SLC43A1: variants seen among roughly 807,000 people sequenced by gnomAD.
SLC43A1 encodes the protein large neutral amino acids transporter small subunit 3.
In SLC43A1, 31 loss-of-function variants were observed where a neutral mutation model predicts 59.5. The ratio of observed to expected loss-of-function variants is 0.52; its 90% CI spans 0.39 to 0.70. SLC43A1 has a LOEUF of 0.70. Ranked by LOEUF, SLC43A1 falls within the 30% of genes least tolerant of loss-of-function variation. The probability of loss-of-function intolerance (pLI) is 0.00; values close to 1 mark genes in which losing one functional copy is unlikely to be tolerated. For missense variants in SLC43A1, 598 were observed against 717.8 expected, an observed-to-expected ratio of 0.83 and a Z score of 1.91; for synonymous variants, 259 against 290.9, an observed-to-expected ratio of 0.89 and a Z score of 1.12.
At position 57,513,948 on chromosome 11, in the gene SLC43A1, T is replaced by A; in HGVS notation, c.154+10A>T. ...TCCCCCCAGCCCACCCAGCCCATTT[T>A]CAGGCATACCTGGGCACGTGCTGGA... is the stretch of plus-strand genomic sequence containing the variant. On this transcript the variant is annotated intron_variant, in intron 2 of 14. Transcript: ENST00000278426. The A allele has an allele frequency of 2.0e-6, 3 of 1,509,996 alleles. No individual in the cohort carries two copies. The highest frequency in any genetic ancestry group is 2.7e-6 in the Non-Finnish European group (3 of 1,099,860). The allele number at this position is 1,509,996 out of a possible 1,614,324, so 93.5% of individuals were successfully genotyped here.
Position 57,487,177 on chromosome 11 carries a change from G to C in SLC43A1, c.1451C>G (p.Ser484Cys). The C allele has an allele frequency of 6.2e-7, 1 of 1,614,078 alleles. No individual in the cohort carries two copies. The highest frequency in any genetic ancestry group is 8.5e-7 in the Non-Finnish European group (1 of 1,179,954). Residue 484 changes from serine to cysteine, a missense_variant, in exon 14 of 15, where the codon TCC (serine) becomes TGC (cysteine). Transcript: ENST00000278426. The stretch of plus-strand genomic sequence containing the variant: ...CAAGGCGAACACAGCACTGATGAGG[G>C]ACTGCAGGCCTGTCAGCGTCCCAAA... ...NHFGTLTGLQ[S>C]LISAVFALLQ...
In SLC43A1 at chr11:57,501,453, G is replaced by C. The variant is rs1944266631; in HGVS notation, c.155-124C>G. 6.6e-6 allele frequency: 6 copies of C among 912,276 alleles called. No individual in the cohort carries two copies. In the Admixed American group the frequency reaches 1.2e-4, roughly 19 times the overall value. The allele number at this position is 912,276 out of a possible 1,614,324, so 56.5% of individuals were successfully genotyped here. On this transcript the variant is annotated intron_variant, in intron 2 of 14. Transcript: ENST00000278426. ...GCCAAGTGCCTTTGGGGGTACCCTA[G>C]AGTCACATCTCCTCTGATGGGGCTG...
In SLC43A1 at chr11:57,499,852, G is replaced by T. The variant is rs1003312163; in HGVS notation, c.465+927C>A. On this transcript the variant is annotated intron_variant, in intron 5 of 14. Coordinates refer to ENST00000278426, the MANE Select transcript of SLC43A1 (RefSeq NM_003627.6). ...TCTGAGGTCAAGCGCCGGAGAGAAG[G>T]GATTTAGGGCCCTGGGCCAAGTTGC... 3.9e-5 allele frequency among the ~76,000 whole-genome samples: 6 copies of T among 152,274 alleles called. No individual in the cohort carries two copies. In the East Asian group the frequency reaches 5.8e-4, roughly 15 times the overall value.
Position 57,491,375 on chromosome 11 carries a change from G to C in SLC43A1, c.1055-13C>G. On this transcript the variant is annotated splice_polypyrimidine_tract_variant and intron_variant, in intron 10 of 14. Coordinates refer to ENST00000278426, the MANE Select transcript of SLC43A1 (RefSeq NM_003627.6). ...GAGTAGAACCCAACTGGGCAGGATG[G>C]GAAGGGCAGTGGGGTCAGGAACTGG... The C allele has an allele frequency of 6.3e-7, 1 of 1,582,174 alleles. No individual in the cohort carries two copies. Among genetic ancestry groups the C allele is most frequent in the Non-Finnish European group, 8.6e-7 (1 of 1,162,460 alleles).
At position 57,491,790 on chromosome 11, in the gene SLC43A1, T is replaced by C; in HGVS notation, c.944A>G (p.Gln315Arg). 1 of 1,614,124 alleles carries C rather than the reference T, an allele frequency of 6.2e-7. No homozygotes were observed. Among genetic ancestry groups the C allele is most frequent in the East Asian group, 2.2e-5 (1 of 44,888 alleles). ...LWSLLTMGMT[Q>R]LRIIFYMAAV... ...AGCCATGTAGAAGATGATCCGCAGC[T>C]GGGTCATGCCCATGGTGAGGAGGCT... Residue 315 changes from glutamine to arginine, a missense_variant, in exon 9 of 15, where the codon CAG becomes CGG. Gln to Arg is a conservative substitution (Grantham distance 43). Transcript: ENST00000278426.
rs1944628034 is a variant in SLC43A1 at position 57,514,333 on chromosome 11, C to G, written c.-13-209G>C. 2 of 569,390 alleles carry G rather than the reference C, an allele frequency of 3.5e-6. No individual in the cohort carries two copies. Among genetic ancestry groups the G allele is most frequent in the Admixed American group, 6.6e-5 (2 of 30,082 alleles). The allele number at this position is 569,390 out of a possible 1,614,324, so 35.3% of individuals were successfully genotyped here. On this transcript the variant is annotated intron_variant, in intron 1 of 14. Coordinates refer to ENST00000278426, the MANE Select transcript of SLC43A1 (RefSeq NM_003627.6). The surrounding 1 kb of genome is among the most constrained non-coding windows in gnomAD (Gnocchi z 5.5). ...AGGTGCACGCGGCACGGGGCTCCCGCTGAGCCACTATCGGAAACAAGGAAG... is the reference window on the plus strand; with the variant it reads ...AGGTGCACGCGGCACGGGGCTCCCGGTGAGCCACTATCGGAAACAAGGAAG...
At chr11:57,488,228 G>T (rs1943798018) in intron 13 of SLC43A1, among the ~76,000 whole-genome samples, 1 of 152,160 alleles carries the variant, frequency 6.6e-6, no homozygotes, top group Admixed American at 6.6e-5. Flanking sequence ...CAGCAGTGGA[G>T]GTGACAAGAA....
intron 2 of SLC43A1, among the ~76,000 whole-genome samples, chr11:57,512,809 G>A (rs1177396026): frequency 6.6e-6 from 1 of 152,140 alleles, no homozygotes; most frequent in Non-Finnish European, 1.5e-5. Context: ...AGGCATGGGA[G>A]AGTCGCCATC....
chr11:57,485,332 A>G, intron 14 of SLC43A1, 90 bp from the exon 15 acceptor site: 2 of 1,259,296 alleles, frequency 1.6e-6, no homozygotes, highest in Admixed American at 2.7e-5. Flanking sequence ...ATTTTTCTCC[A>G]GGTCCTGAGC....
intron 14 of SLC43A1, 96 bp downstream of exon 14, chr11:57,486,999 G>A: frequency 7.3e-7 from 1 of 1,373,390 alleles, no homozygotes; most frequent in Non-Finnish European, 1.0e-6. Flanking sequence ...AGGTGCCTCT[G>A]GCTGAGATGA....
In SLC43A1 at chr11:57,491,633, G is replaced by A; in HGVS notation, c.1019-7C>T. 3 of 1,614,222 alleles carry A rather than the reference G, an allele frequency of 1.9e-6. No individual in the cohort carries two copies. Among genetic ancestry groups the A allele is most frequent in the Non-Finnish European group, 1.7e-6 (2 of 1,180,026 alleles). ...TGTTGCTGTTCATTTGTCTCTGTGG[G>A]TAGGGAAACGTATGGTGAGGGGAGC... On this transcript the variant is annotated splice_region_variant and splice_polypyrimidine_tract_variant and intron_variant, in intron 9 of 14. Transcript: ENST00000278426.
intron 2 of SLC43A1, among the ~76,000 whole-genome samples, chr11:57,502,231 T>C (rs1011331854): frequency 6.6e-6 from 1 of 152,260 alleles, no homozygotes; most frequent in South Asian, 2.1e-4. Flanking sequence ...TTGGCAGCAC[T>C]GCCAAGGGCA....
chr11:57,486,948 A>C (rs1468232759), intron 14 of SLC43A1, 147 bp downstream of exon 14: 22 of 765,456 alleles, frequency 2.9e-5, no homozygotes, highest in Non-Finnish European at 4.4e-5. Context: ...AGGGGTTCTA[A>C]AAGGCAGACA....
rs1944654064 is a variant in SLC43A1 at position 57,515,041 on chromosome 11, G to A, written c.-14+403C>T. 11 of 985,322 alleles carry A rather than the reference G, an allele frequency of 1.1e-5. No individual in the cohort carries two copies. Among genetic ancestry groups the A allele is most frequent in the Non-Finnish European group, 1.3e-5 (11 of 829,954 alleles). 61.0% of individuals were successfully genotyped at this position (985,322 alleles called of 1,614,324 possible). On this transcript the variant is annotated intron_variant, in intron 1 of 14. Coordinates refer to ENST00000278426, the MANE Select transcript of SLC43A1 (RefSeq NM_003627.6). This position sits in a 1 kb window ranked among gnomAD's most constrained non-coding sequence, Gnocchi z 5.3. Reference sequence around the variant, plus strand: ...GGGCGGGGAGCGACAACTGGGATGAGACCGAGGAAAGCGGAGAGGAGAAGG... The same window carrying A: ...GGGCGGGGAGCGACAACTGGGATGAAACCGAGGAAAGCGGAGAGGAGAAGG...
At chr11:57,487,377 G>A (rs2135142979) in intron 13 of SLC43A1, among the ~76,000 whole-genome samples, 159 bp from the exon 14 acceptor site, 1 of 152,288 alleles carries the variant, frequency 6.6e-6, no homozygotes, top group Admixed American at 6.5e-5. Context: ...AGCCTTGAGG[G>A]CAAATGCTCC....
chr11:57,511,684 T>A (rs1210236375), intron 2 of SLC43A1, among the ~76,000 whole-genome samples: 1 of 152,172 alleles, frequency 6.6e-6, no homozygotes, highest in Non-Finnish European at 1.5e-5. Flanking sequence ...AGAATGGTGG[T>A]TGATCCATAC....
Position 57,514,756 on chromosome 11 carries a change from C to T in SLC43A1, c.-13-632G>A. On this transcript the variant is annotated intron_variant, in intron 1 of 14. Coordinates refer to ENST00000278426, the MANE Select transcript of SLC43A1 (RefSeq NM_003627.6). The surrounding 1 kb of genome is among the most constrained non-coding windows in gnomAD (Gnocchi z 5.5). ...CAGGACGGGCTCTCCTCGGTTCCCT[C>T]CTCCCCCGCGCGCCCCTCACTCACT... The T allele has an allele frequency of 1.1e-6, 1 of 943,586 alleles. No homozygotes were observed. The highest frequency in any genetic ancestry group is 1.3e-6 in the Non-Finnish European group (1 of 791,684). The allele number at this position is 943,586 out of a possible 1,614,324, so 58.5% of individuals were successfully genotyped here.
At chr11:57,506,110 C>T (rs1452379281) in intron 2 of SLC43A1, among the ~76,000 whole-genome samples, 1 of 152,160 alleles carries the variant, frequency 6.6e-6, no homozygotes, top group East Asian at 1.9e-4. Flanking sequence ...CTTTGGGAGG[C>T]CAAGACAGGA....
At chr11:57,501,759 G>A (rs892575526) in intron 2 of SLC43A1, among the ~76,000 whole-genome samples, 1 of 152,172 alleles carries the variant, frequency 6.6e-6, no homozygotes, top group African/African-American at 2.4e-5. Flanking sequence ...CACCACTGTG[G>A]GAGGCTGAGA....
Sources: gnomAD v4.1 joint callset for allele counts (sites outside exome capture counted in the v4.1 genomes callset) on GRCh38, gnomAD v4.1.1 for gene constraint, Gnocchi (gnomAD v3.1) non-coding constraint, MANE v1.5 for transcripts, NCBI Gene and HGNC (gene_info 2026-07-23, HGNC 2026-07-21) for gene names.